Variants in SCAPER observed in about 807,000 individuals in gnomAD.
SCAPER encodes the protein S-phase cyclin A associated protein in the ER.
A neutral mutation model predicts 182.2 loss-of-function variants in SCAPER; 98 were observed. The observed-to-expected ratio is 0.54, with a 90% CI of 0.46 to 0.64. The LOEUF (loss-of-function observed/expected upper bound fraction) is 0.64. Among genes scored for constraint, SCAPER ranks in the 30% least tolerant of loss-of-function variants. SCAPER has a pLI of 0.00. For synonymous variants in SCAPER, 605 were observed against 564.6 expected (o/e 1.07, Z -1.01); for missense variants, 1,432 against 1,690.0 (o/e 0.85, Z 2.68).
chr15:76,660,066 A>T (rs1258519294), intron 21 of SCAPER, among the ~76,000 whole-genome samples: 1 of 152,248 alleles, frequency 6.6e-6, no homozygotes, highest in Admixed American at 6.5e-5. Context: ...ACCTATAAAA[A>T]AGAATGAGGT....
chr15:76,423,678 C>T (rs1267303611), intron 26 of SCAPER, among the ~76,000 whole-genome samples: 2 of 152,108 alleles, frequency 1.3e-5, no homozygotes, highest in African/African-American at 4.8e-5. Flanking sequence ...AATGTGTTTG[C>T]TCTTGCTTCT....
At chr15:76,813,527 T>C (rs1173148583) in intron 5 of SCAPER, among the ~76,000 whole-genome samples, 1 of 151,370 alleles carries the variant, frequency 6.6e-6, no homozygotes, top group African/African-American at 2.4e-5. Context: ...TTATCCATGG[T>C]TGCATTTGAA....
intron 5 of SCAPER, among the ~76,000 whole-genome samples, chr15:76,829,250 C>T (rs1052182858): frequency 2.0e-5 from 3 of 152,062 alleles, no homozygotes; most frequent in African/African-American, 7.2e-5. Flanking sequence ...GGAAGCTAAG[C>T]TATGAGGCTG....
intron 8 of SCAPER, among the ~76,000 whole-genome samples, chr15:76,779,270 T>C (rs1366663354): frequency 2.0e-5 from 3 of 152,074 alleles, no homozygotes; most frequent in Admixed American, 1.3e-4. Flanking sequence ...ACATTAACCA[T>C]GATAAACCAT....
chr15:76,855,231 G>A (rs1412904407), intron 4 of SCAPER, among the ~76,000 whole-genome samples: 1 of 151,998 alleles, frequency 6.6e-6, no homozygotes, highest in African/African-American at 2.4e-5. Context: ...ATATGCAGAA[G>A]ACTGAAACTA....
chr15:76,522,724 T>C (rs1261534187), intron 23 of SCAPER, among the ~76,000 whole-genome samples: 3 of 152,084 alleles, frequency 2.0e-5, no homozygotes, highest in African/African-American at 7.2e-5. Context: ...TTAAATGTTC[T>C]AAAATTGATT....
At chr15:76,682,901 G>A (rs761774622) in intron 20 of SCAPER, among the ~76,000 whole-genome samples, 2 of 151,936 alleles carry the variant, frequency 1.3e-5, no homozygotes, top group South Asian at 2.1e-4. Flanking sequence ...AAAACAAAAC[G>A]ACCCCATCCA....
intron 24 of SCAPER, among the ~76,000 whole-genome samples, chr15:76,502,979 A>G (rs1255425250): frequency 6.6e-6 from 1 of 152,216 alleles, no homozygotes; most frequent in Non-Finnish European, 1.5e-5. Context: ...CAATGACAAT[A>G]GCAGCTTTTG....
In SCAPER at chr15:76,857,824, A is replaced by G; in HGVS notation, c.180T>C (p.His60=). 6.5e-7 allele frequency: 1 copy of G among 1,544,004 alleles called. No homozygotes were observed. Among genetic ancestry groups the G allele is most frequent in the Non-Finnish European group, 8.7e-7 (1 of 1,143,196 alleles). The part of the protein sequence containing the change: ...GKSKRTIQGT[H]KTTKQSTAVD... ...GATGCTGTACCTGTTTAGTAGTTTTATGAGTGCCTTGAATGGTCCTCTTAG... is the reference window on the plus strand; with the variant it reads ...GATGCTGTACCTGTTTAGTAGTTTTGTGAGTGCCTTGAATGGTCCTCTTAG... Residue 60 remains histidine, a synonymous_variant, in exon 4 of 32, where the codon CAT becomes CAC. Coordinates refer to ENST00000563290, the MANE Select transcript of SCAPER (RefSeq NM_020843.4).
chr15:76,897,289 T>C (rs1028900795), intron 1 of SCAPER, among the ~76,000 whole-genome samples: 6 of 152,164 alleles, frequency 3.9e-5, no homozygotes, highest in Admixed American at 2.0e-4. Context: ...AAACCTGTAA[T>C]GATTTAAAGT....
intron 4 of SCAPER, among the ~76,000 whole-genome samples, chr15:76,847,107 ATCACATGGTC>A (rs2151807180): frequency 6.6e-6 from 1 of 152,358 alleles, no homozygotes; most frequent in Non-Finnish European, 1.5e-5. Flanking sequence ...AAAGACAAAC[ATCACATGGTC>A]TCACTTATTT....
intron 4 of SCAPER, among the ~76,000 whole-genome samples, chr15:76,849,913 C>T (rs1453556507): frequency 6.6e-6 from 1 of 152,170 alleles, no homozygotes; most frequent in Non-Finnish European, 1.5e-5. Flanking sequence ...CACAGAGTGG[C>T]AGGACAGAGT....
intron 23 of SCAPER, among the ~76,000 whole-genome samples, chr15:76,508,358 C>T (rs983759316): frequency 6.6e-6 from 1 of 152,138 alleles, no homozygotes; most frequent in African/African-American, 2.4e-5. Context: ...CTTTGGACAA[C>T]ACTCCTTTAA....
chr15:76,421,697 A>T (rs1476375149), intron 26 of SCAPER, among the ~76,000 whole-genome samples: 1 of 152,190 alleles, frequency 6.6e-6, no homozygotes, highest in Admixed American at 6.5e-5. Flanking sequence ...GTCCTTGCCC[A>T]TGCCTATGTC....
At chr15:76,602,167 C>T (rs1227855697) in intron 22 of SCAPER, among the ~76,000 whole-genome samples, 2 of 116,136 alleles carry the variant, frequency 1.7e-5, no homozygotes, top group African/African-American at 5.1e-5. Flanking sequence ...GTTAAATTAA[C>T]AATAAGAAAA....
At chr15:76,440,618 G>A (rs1432687733) in intron 25 of SCAPER, among the ~76,000 whole-genome samples, 2 of 152,104 alleles carry the variant, frequency 1.3e-5, no homozygotes. Flanking sequence ...TCAAGACAGT[G>A]TCAGAGTACA....
At chr15:76,660,910 TG>T (rs2056099782) in intron 21 of SCAPER, among the ~76,000 whole-genome samples, 1 of 151,336 alleles carries the variant, frequency 6.6e-6, no homozygotes, top group Non-Finnish European at 1.5e-5. Context: ...AAAAAAAAAC[TG>T]TTTCTATAAA....
At chr15:76,351,909 AG>A (rs2040577584) in intron 30 of SCAPER, among the ~76,000 whole-genome samples, 1 of 152,232 alleles carries the variant, frequency 6.6e-6, no homozygotes, top group South Asian at 2.1e-4. Flanking sequence ...AAACAATATA[AG>A]AAATTTTTTT....
intron 25 of SCAPER, among the ~76,000 whole-genome samples, chr15:76,439,178 C>T (rs1189085143): frequency 6.6e-6 from 1 of 152,012 alleles, no homozygotes; most frequent in Non-Finnish European, 1.5e-5. Flanking sequence ...CTCCACCTCC[C>T]CAGTTCAAGC....
Sources: gnomAD v4.1 joint callset for allele counts (sites outside exome capture counted in the v4.1 genomes callset) on GRCh38, gnomAD v4.1.1 for gene constraint, MANE v1.5 for transcripts, NCBI Gene and HGNC (gene_info 2026-07-23, HGNC 2026-07-21) for gene names.